The following DMD variants were observed in gnomAD, a reference collection of about 807,000 sequenced individuals.
The protein encoded by DMD is mutant dystrophin.
DMD carries 63 observed loss-of-function variants against 330.1 expected under a neutral mutation model. The observed-to-expected ratio is 0.19, with a 90% CI of 0.16 to 0.24. The LOEUF (loss-of-function observed/expected upper bound fraction) is 0.24, where lower values mean the gene tolerates loss of function less well. Ranked by LOEUF, DMD falls within the 10% of genes least tolerant of loss-of-function variation. DMD has a pLI of 1.00. For missense variants in DMD, 3,344 were observed against 2,684.1 expected, an observed-to-expected ratio of 1.25 and a Z score of -5.43; for synonymous variants, 1,223 against 959.8, an observed-to-expected ratio of 1.27 and a Z score of -5.07.
chrX:32,308,990 G>T, intron 42 of DMD, among the ~76,000 whole-genome samples: 1 of 111,077 alleles, frequency 9.0e-6, no homozygotes, highest in African/African-American at 3.3e-5. Flanking sequence ...TTTCTTCATT[G>T]TACCAATAAG....
intron 2 of DMD, among the ~76,000 whole-genome samples, chrX:33,006,629 C>T (rs1008719729): frequency 3.6e-5 from 4 of 111,535 alleles, no homozygotes; most frequent in Middle Eastern, 9.2e-3. Flanking sequence ...TACAAGTTAA[C>T]GTTCACTGGT....
chrX:31,441,476 C>T (rs1381945261), intron 60 of DMD, among the ~76,000 whole-genome samples: 2 of 112,541 alleles, frequency 1.8e-5, no homozygotes, highest in African/African-American at 3.2e-5. Context: ...GGATTACAGG[C>T]GTGAGCCACC....
At chrX:31,906,164 C>A (rs1235977502) in intron 47 of DMD, among the ~76,000 whole-genome samples, 1 of 111,619 alleles carries the variant, frequency 9.0e-6, no homozygotes, top group East Asian at 2.8e-4. Flanking sequence ...CTCTTTTGCT[C>A]ATTCTCCTCC....
intron 1 of DMD, among the ~76,000 whole-genome samples, chrX:33,292,991 A>G (rs1207150383): frequency 9.0e-6 from 1 of 111,221 alleles, no homozygotes; most frequent in East Asian, 2.8e-4. Context: ...TCTGTCTATT[A>G]TCTCATGTAT....
chrX:32,605,021 C>T (rs1015925923), intron 12 of DMD, among the ~76,000 whole-genome samples: 2 of 110,750 alleles, frequency 1.8e-5, no homozygotes, highest in Admixed American at 1.9e-4. Flanking sequence ...AAATTACCAA[C>T]ATCATTTTTC....
rs148442918 is a variant in DMD, at chrX:32,942,503, A to T, written c.93+77636T>A. Among the ~76,000 whole-genome samples, 1,134 of 110,964 alleles carry T rather than the reference A, an allele frequency of 0.01. 50 individuals are homozygous for T. The East Asian group carries it at 0.17, about 16-fold the overall frequency. On this transcript the variant is annotated intron_variant, in intron 2 of 78. Transcript: ENST00000357033. ...GGCTGCAGTGAGCCGAGATGGCACC[A>T]CTGCACTCCAGCCTGGGTGACAGAG...
intron 44 of DMD, among the ~76,000 whole-genome samples, chrX:32,085,055 T>A (rs182154564): frequency 1.8e-5 from 2 of 110,987 alleles, no homozygotes; most frequent in East Asian, 5.7e-4. Flanking sequence ...TGTACACTCT[T>A]GAAAGGCAAG....
chrX:32,649,985 C>A (rs1017992691), intron 9 of DMD, among the ~76,000 whole-genome samples: 2 of 110,842 alleles, frequency 1.8e-5, no homozygotes, highest in African/African-American at 3.3e-5. Context: ...TGTTTGGGGG[C>A]CAAAGTTCAT....
chrX:32,324,210 T>C (rs1313982591), intron 41 of DMD, among the ~76,000 whole-genome samples: 1 of 111,703 alleles, frequency 9.0e-6, no homozygotes, highest in Non-Finnish European at 1.9e-5. Flanking sequence ...CTATCCTGAC[T>C]TAATCATTAT....
chrX:31,520,506 A>G (rs748730986), intron 55 of DMD, among the ~76,000 whole-genome samples: 11 of 111,233 alleles, frequency 9.9e-5, no homozygotes, highest in Non-Finnish European at 2.1e-4. Flanking sequence ...AAATTACCCC[A>G]GTCTCAGGGA....
chrX:31,656,126 G>A (rs1305123768), intron 54 of DMD, among the ~76,000 whole-genome samples: 1 of 112,296 alleles, frequency 8.9e-6, no homozygotes, highest in Non-Finnish European at 1.9e-5. Context: ...CATGTGAAGT[G>A]AGAAAAGAAC....
intron 7 of DMD, among the ~76,000 whole-genome samples, chrX:32,795,648 A>T (rs1038299601): frequency 8.9e-6 from 1 of 112,329 alleles, no homozygotes; most frequent in Non-Finnish European, 1.9e-5. Flanking sequence ...TCTGTAAAAC[A>T]AAGGAAGGAT....
At chrX:31,194,104 C>T (rs988541784) in intron 67 of DMD, among the ~76,000 whole-genome samples, 1 of 110,925 alleles carries the variant, frequency 9.0e-6, no homozygotes, top group Non-Finnish European at 1.9e-5. Context: ...CACATGAACT[C>T]GGGAAGCAGA....
chrX:31,628,496 C>A (rs80111621), intron 54 of DMD, among the ~76,000 whole-genome samples: 16,705 of 111,281 alleles, frequency 0.15, 1,057 homozygotes, highest in East Asian at 0.32. Flanking sequence ...TTTGTGCAAA[C>A]TATCATTTTG....
chrX:32,261,473 C>A (rs1156539378), intron 43 of DMD, among the ~76,000 whole-genome samples: 2 of 111,881 alleles, frequency 1.8e-5, no homozygotes, highest in Non-Finnish European at 3.8e-5. Context: ...ATGTTTTAAT[C>A]TGAGGACATT....
chrX:31,975,996 A>G (rs890597298), intron 44 of DMD, among the ~76,000 whole-genome samples: 3 of 111,274 alleles, frequency 2.7e-5, no homozygotes, highest in African/African-American at 9.8e-5. Flanking sequence ...CTGTAAGTCA[A>G]TTATTGATTG....
chrX:32,901,132 T>C (rs972346249), intron 2 of DMD, among the ~76,000 whole-genome samples: 7 of 111,769 alleles, frequency 6.3e-5, no homozygotes, highest in African/African-American at 2.3e-4. Context: ...AATTATTTTA[T>C]ATTTAAAATA....
chrX:31,122,757 T>C (rs769438481), intron 78 of DMD, among the ~76,000 whole-genome samples: 2 of 111,745 alleles, frequency 1.8e-5, no homozygotes, highest in East Asian at 5.6e-4. Context: ...ACTATCACAA[T>C]AGCCTTTTAC....
chrX:31,741,918 C>CT (rs2149076782), intron 51 of DMD, among the ~76,000 whole-genome samples: 1 of 111,955 alleles, frequency 8.9e-6, no homozygotes, highest in African/African-American at 3.2e-5. Context: ...CCTTTATTAA[C>CT]TTAGATGTTA....
Sources: allele counts gnomAD v4.1 joint callset (sites outside exome capture counted in the v4.1 genomes callset), GRCh38; gene constraint gnomAD v4.1.1; transcripts MANE v1.5; gene names NCBI Gene and HGNC (gene_info 2026-07-23, HGNC 2026-07-21).